The following MYO3B variants were observed in gnomAD, a reference collection of about 807,000 sequenced individuals.
The protein encoded by MYO3B is myosin IIIB, also known as myosin-IIIb.
MYO3B carries 156 observed loss-of-function variants against 174.6 expected under a neutral mutation model. The ratio of observed to expected loss-of-function variants is 0.89; its 90% confidence interval spans 0.78 to 1.02. The LOEUF is 1.02. MYO3B is among the 50% of genes least tolerant of loss of function. MYO3B has a pLI of 0.00. For synonymous variants in MYO3B, 563 were observed against 569.1 expected (o/e 0.99, Z 0.15); for missense variants, 1,632 against 1,639.4 (o/e 1.00, Z 0.08).
intron 31 of MYO3B, among the ~76,000 whole-genome samples, chr2:170,543,276 A>G (rs565286741): frequency 1.6e-4 from 25 of 152,274 alleles, no homozygotes; most frequent in African/African-American, 5.1e-4. Context: ...CCTCTTTTTG[A>G]GTAAGGACCC....
intron 9 of MYO3B, among the ~76,000 whole-genome samples, chr2:170,374,850 G>A (rs144874444): frequency 1.5e-3 from 221 of 151,724 alleles, no homozygotes; most frequent in African/African-American, 5.3e-3. Context: ...AAGTGATATT[G>A]TACTATTTGA....
chr2:170,574,230 G>A (rs1207208394), intron 32 of MYO3B, among the ~76,000 whole-genome samples: 2 of 152,076 alleles, frequency 1.3e-5, no homozygotes, highest in Admixed American at 6.5e-5. Context: ...ATGCATGCAC[G>A]GTAGGTTCTC....
chr2:170,438,092 G>T (rs1054502633), intron 22 of MYO3B, among the ~76,000 whole-genome samples: 4 of 151,964 alleles, frequency 2.6e-5, no homozygotes, highest in African/African-American at 9.7e-5. Context: ...ACTTCCTCGT[G>T]TCCCCAGCCA....
At chr2:170,380,795 T>G (rs2094329541) in intron 9 of MYO3B, among the ~76,000 whole-genome samples, 1 of 152,084 alleles carries the variant, frequency 6.6e-6, no homozygotes, top group Admixed American at 6.5e-5. Flanking sequence ...GCAAAAAAAT[T>G]GGAATCAGCC....
intron 4 of MYO3B, 69 bp from the exon 5 acceptor site, chr2:170,214,660 C>CT: frequency 6.8e-7 from 1 of 1,460,226 alleles, no homozygotes; most frequent in East Asian, 2.3e-5. Flanking sequence ...AGGGTAATTG[C>CT]TTTAAAATAA....
chr2:170,646,609 T>C (rs1361563876), intron 32 of MYO3B, among the ~76,000 whole-genome samples: 2 of 152,162 alleles, frequency 1.3e-5, no homozygotes, highest in Non-Finnish European at 2.9e-5. Flanking sequence ...TTGCCTGGGC[T>C]GCTCTCGAAC....
Position 170,212,331 on chromosome 2 carries a change from G to C in MYO3B, c.322-2048G>C, listed in dbSNP as rs374226128. Among the ~76,000 whole-genome samples, 114 of 152,094 alleles carry C rather than the reference G, an allele frequency of 7.5e-4. 1 individual carries two copies. Among genetic ancestry groups the C allele is most frequent in the African/African-American group, 2.6e-3 (107 of 41,470 alleles). Reference sequence around the variant, plus strand: ...AACAGGGAGAGAAACTTGGGAGCTGGGGAGCCACCAGTTTGCCCGTCCAGC... The same window carrying C: ...AACAGGGAGAGAAACTTGGGAGCTGCGGAGCCACCAGTTTGCCCGTCCAGC... On this transcript the variant is annotated intron_variant, in intron 3 of 34. Coordinates refer to ENST00000408978, the MANE Select transcript of MYO3B (RefSeq NM_138995.5).
chr2:170,585,778 G>A (rs192154444), intron 32 of MYO3B, among the ~76,000 whole-genome samples: 3 of 152,280 alleles, frequency 2.0e-5, no homozygotes, highest in Non-Finnish European at 2.9e-5. Flanking sequence ...GTGGCCAGGC[G>A]TGGTGGCTCA....
intron 30 of MYO3B, among the ~76,000 whole-genome samples, chr2:170,531,181 G>A (rs1689328789): frequency 6.6e-6 from 1 of 152,216 alleles, no homozygotes; most frequent in East Asian, 1.9e-4. Flanking sequence ...GGTTAGGGAA[G>A]TACCTGGAGT....
intron 32 of MYO3B, among the ~76,000 whole-genome samples, chr2:170,607,776 T>A (rs917694578): frequency 5.9e-5 from 9 of 152,234 alleles, no homozygotes; most frequent in African/African-American, 2.2e-4. Context: ...TATTATGTGG[T>A]AAAAATACCT....
At chr2:170,541,045 C>T (rs772121932) in intron 30 of MYO3B, among the ~76,000 whole-genome samples, 2 of 152,086 alleles carry the variant, frequency 1.3e-5, no homozygotes, top group South Asian at 2.1e-4. Context: ...GAGCTGCCTT[C>T]GATTCTTCCA....
At chr2:170,365,072 C>T (rs548231729) in intron 8 of MYO3B, among the ~76,000 whole-genome samples, 4 of 152,312 alleles carry the variant, frequency 2.6e-5, no homozygotes, top group Admixed American at 2.6e-4. Flanking sequence ...TTACCTAGCT[C>T]AATTCTTACC....
intron 13 of MYO3B, 101 bp downstream of exon 13, chr2:170,386,373 T>C: frequency 1.1e-6 from 1 of 926,212 alleles, no homozygotes; most frequent in Non-Finnish European, 1.7e-6. Context: ...TATTAAGGCT[T>C]ACATAAAGAC....
chr2:170,329,314 A>T (rs2093894866), intron 7 of MYO3B, among the ~76,000 whole-genome samples: 2 of 151,976 alleles, frequency 1.3e-5, no homozygotes, highest in African/African-American at 4.8e-5. Flanking sequence ...TAAAAGGTCT[A>T]AAAGAATATA....
chr2:170,184,743 G>A (rs991700068), intron 1 of MYO3B, among the ~76,000 whole-genome samples: 1 of 152,120 alleles, frequency 6.6e-6, no homozygotes. Flanking sequence ...TTTATTTTTA[G>A]TTTTTTGAAG....
intron 32 of MYO3B, among the ~76,000 whole-genome samples, chr2:170,615,650 C>G (rs141237504): frequency 2.8e-4 from 43 of 152,342 alleles, no homozygotes; most frequent in African/African-American, 9.6e-4. Flanking sequence ...GGAATCTGGA[C>G]GCAGATTAGT....
At chr2:170,404,502 A>G in intron 20 of MYO3B, 102 bp downstream of exon 20, 1 of 1,228,550 alleles carries the variant, frequency 8.1e-7, no homozygotes, top group Non-Finnish European at 1.1e-6. Flanking sequence ...TATTTTGTTT[A>G]TATGGTGGTT....
At chr2:170,529,684 G>T (rs74634742) in intron 30 of MYO3B, among the ~76,000 whole-genome samples, 5,044 of 152,166 alleles carry the variant, frequency 0.033, 134 homozygotes, top group Non-Finnish European at 0.05. Flanking sequence ...ATGAGTTTCT[G>T]CCCAAAAGAC....
At chr2:170,432,637 C>T (rs944265553) in intron 22 of MYO3B, among the ~76,000 whole-genome samples, 1 of 150,396 alleles carries the variant, frequency 6.6e-6, no homozygotes, top group Non-Finnish European at 1.5e-5. Context: ...AGTGCAGTGG[C>T]ACGATCTCGG....
Sources: gnomAD v4.1 joint callset for allele counts (sites outside exome capture counted in the v4.1 genomes callset) on GRCh38, gnomAD v4.1.1 for gene constraint, MANE v1.5 for transcripts, NCBI Gene and HGNC (gene_info 2026-07-23, HGNC 2026-07-21) for gene names.